The following SMAD5 variants were observed in gnomAD, a reference collection of about 807,000 sequenced individuals.
SMAD5 encodes the protein MAD, mothers against decapentaplegic homolog 5.
SMAD5 carries 9 observed loss-of-function variants against 43.1 expected under a neutral mutation model. That is an observed-to-expected ratio of 0.21 (90% CI 0.13 to 0.36). SMAD5 has a LOEUF of 0.36. Among genes scored for constraint, SMAD5 ranks in the 10% least tolerant of loss-of-function variants. The pLI is 1.00. For missense variants in SMAD5, 348 were observed against 574.0 expected (o/e 0.61, Z 4.02); for synonymous variants, 190 against 192.4 (o/e 0.99, Z 0.10).
In SMAD5 at chr5:136,143,113, A is replaced by G. The variant is rs140932321; in HGVS notation, c.-244-4719A>G. ...TATATCTTCCTGGATGCATGCCAGT[A>G]TTTGTTTCCTTATGTCCCTCCACTG... On this transcript the variant is annotated intron_variant, in intron 1 of 7. Transcript: ENST00000545279. 2.5e-3 allele frequency among the ~76,000 whole-genome samples: 383 copies of G among 151,886 alleles called. 4 individuals are homozygous for G. Among genetic ancestry groups the G allele is most frequent in the African/African-American group, 9.1e-3 (376 of 41,442 alleles).
Position 136,180,895 on chromosome 5 carries a change from A to T in SMAD5, c.*3415A>T, listed in dbSNP as rs560434840. ...AGTGATTATTAAGTACTCATACCTG[A>T]AATCTGTTGTCAAGATTAGAACTGG... On this transcript the variant is annotated 3_prime_UTR_variant, in exon 8 of 8. Transcript: ENST00000545279. 6.6e-6 allele frequency: 1 copy of T among 152,142 alleles called. No individual in the cohort carries two copies. The highest frequency in any genetic ancestry group is 2.1e-4 in the South Asian group (1 of 4,830). The allele number at this position is 152,142 out of a possible 1,614,324, so 9.4% of individuals were successfully genotyped here. A position where few individuals can be genotyped will look rare whatever the true frequency, so the allele number is the denominator to read the frequency against.
rs11413480 is a variant in SMAD5, at chr5:136,145,116, AT to A, written c.-244-2706del. The stretch of plus-strand genomic sequence containing the variant: ...GCTGCCGTATTTCTTCTAAGATGTA[AT>A]TTTTTTTTTCACCTCATAACATAAC... On this transcript the variant is annotated intron_variant, in intron 1 of 7. Coordinates refer to ENST00000545279, the MANE Select transcript of SMAD5 (RefSeq NM_005903.7). 2.4e-4 allele frequency among the ~76,000 whole-genome samples: 36 copies of A among 150,088 alleles called. 1 individual carries two copies. The Middle Eastern group carries it at 0.017, about 72-fold the overall frequency.
rs1754559477 is a variant in SMAD5 at position 136,179,799 on chromosome 5, A to G, written c.*2319A>G. On this transcript the variant is annotated 3_prime_UTR_variant, in exon 8 of 8. Transcript: ENST00000545279. Reference sequence around the variant, plus strand: ...GGCTTATGGCATGATCTCTGGAACAAATTTGTAGGAAAAAATTACTCCAAT... The same window carrying G: ...GGCTTATGGCATGATCTCTGGAACAGATTTGTAGGAAAAAATTACTCCAAT... 1 of 130,334 alleles carries G rather than the reference A, an allele frequency of 7.7e-6. No homozygotes were observed. The highest frequency in any genetic ancestry group is 1.6e-5 in the Non-Finnish European group (1 of 62,344). The allele number at this position is 130,334 out of a possible 1,614,324, so 8.1% of individuals were successfully genotyped here. A position where few individuals can be genotyped will look rare whatever the true frequency, so the allele number is the denominator to read the frequency against.
intron 6 of SMAD5, 114 bp downstream of exon 6, chr5:136,172,769 C>A: frequency 1.4e-6 from 1 of 727,118 alleles, no homozygotes; most frequent in Non-Finnish European, 2.4e-6. Context: ...CACGTGGCCT[C>A]TGCCTTAAGT....
At chr5:136,165,367 G>GT (rs925145765) in intron 5 of SMAD5, among the ~76,000 whole-genome samples, 214 of 150,322 alleles carry the variant, frequency 1.4e-3, no homozygotes, top group African/African-American at 4.5e-3. Context: ...GGCTGGCCCT[G>GT]TTTTTTTTTG....
At chr5:136,166,618 A>C (rs918350714) in intron 5 of SMAD5, among the ~76,000 whole-genome samples, 1 of 152,220 alleles carries the variant, frequency 6.6e-6, no homozygotes, top group Admixed American at 6.5e-5. Flanking sequence ...CCATTTACAA[A>C]ATAGGGATGA....
chr5:136,165,888 G>T (rs1374128754), intron 5 of SMAD5, among the ~76,000 whole-genome samples: 1 of 151,572 alleles, frequency 6.6e-6, no homozygotes, highest in Non-Finnish European at 1.5e-5. Flanking sequence ...GTGGACATGG[G>T]CGTACACATA....
chr5:136,137,015 T>A (rs1752904716), intron 1 of SMAD5, among the ~76,000 whole-genome samples: 2 of 142,300 alleles, frequency 1.4e-5, no homozygotes, highest in Admixed American at 1.4e-4. Context: ...TATTTAGTTT[T>A]GATTTTTTTT....
rs77917628 is a variant in SMAD5, at chr5:136,162,124, A to G, written c.655+1017A>G. Among the ~76,000 whole-genome samples the G allele has an allele frequency of 2.3e-3, 352 of 152,330 alleles. 9 individuals carry two copies. The East Asian group carries it at 0.061, about 26-fold the overall frequency. On this transcript the variant is annotated intron_variant, in intron 4 of 7. Coordinates refer to ENST00000545279, the MANE Select transcript of SMAD5 (RefSeq NM_005903.7). ...AACTCAGGGCACAAGGTGGAAACCA[A>G]TCCTGAATGGGACGTGATTAAATCA...
At position 136,166,240 on chromosome 5, in the gene SMAD5, T is replaced by G. The variant is rs575635144; in HGVS notation, c.775+2849T>G. 5.9e-5 allele frequency among the ~76,000 whole-genome samples: 9 copies of G among 152,120 alleles called. No individual in the cohort carries two copies. In the East Asian group the frequency reaches 1.7e-3, roughly 29 times the overall value. On this transcript the variant is annotated intron_variant, in intron 5 of 7. Coordinates refer to ENST00000545279, the MANE Select transcript of SMAD5 (RefSeq NM_005903.7). ...GGTGTCATTGTGGCTTTAATGCCAC[T>G]TTGGTTTGAGACCTTAACCTCCTTA...
In SMAD5 at chr5:136,180,068, C is replaced by G. The variant is rs1754572212; in HGVS notation, c.*2588C>G. On this transcript the variant is annotated 3_prime_UTR_variant, in exon 8 of 8. Transcript: ENST00000545279. Reference sequence around the variant, plus strand: ...TAACAACTAAGAGTTTGACAGAGAACTATAAGCCTGTTGTATCTCCTAAAA... The same window carrying G: ...TAACAACTAAGAGTTTGACAGAGAAGTATAAGCCTGTTGTATCTCCTAAAA... 1 of 152,134 alleles carries G rather than the reference C, an allele frequency of 6.6e-6. No individual in the cohort carries two copies. Among genetic ancestry groups the G allele is most frequent in the African/African-American group, 2.4e-5 (1 of 41,418 alleles). 9.4% of individuals were successfully genotyped at this position (152,134 alleles called of 1,614,324 possible).
At chr5:136,145,260 A>C (rs1331141769) in intron 1 of SMAD5, among the ~76,000 whole-genome samples, 1 of 151,862 alleles carries the variant, frequency 6.6e-6, no homozygotes, top group East Asian at 1.9e-4. Context: ...CTGTCATTTC[A>C]GTCTCAGTGT....
At chr5:136,145,128 A>G (rs1282524176) in intron 1 of SMAD5, among the ~76,000 whole-genome samples, 1 of 148,738 alleles carries the variant, frequency 6.7e-6, no homozygotes, top group Non-Finnish European at 1.5e-5. Flanking sequence ...TTTTTTTTTC[A>G]CCTCATAACA....
intron 3 of SMAD5, among the ~76,000 whole-genome samples, chr5:136,158,981 T>A (rs1280013497): frequency 6.6e-6 from 1 of 152,092 alleles, no homozygotes. Context: ...GAAATAGTAA[T>A]GATAGGCGTT....
intron 6 of SMAD5, among the ~76,000 whole-genome samples, chr5:136,173,476 C>T (rs146423752): frequency 1.3e-5 from 2 of 152,176 alleles, no homozygotes; most frequent in East Asian, 1.9e-4. Flanking sequence ...AAAAATCCTG[C>T]GGCCAAAAAT....
chr5:136,154,220 T>A, intron 3 of SMAD5, 57 bp downstream of exon 3: 1 of 1,031,026 alleles, frequency 9.7e-7, no homozygotes, highest in Non-Finnish European at 1.3e-6. Context: ...CCTCTCTTCC[T>A]GATATGCATG....
intron 1 of SMAD5, among the ~76,000 whole-genome samples, chr5:136,140,021 CTCTTT>C (rs1753019844): frequency 6.8e-6 from 1 of 147,762 alleles, no homozygotes; most frequent in African/African-American, 2.5e-5. Flanking sequence ...CCCAGGATAA[CTCTTT>C]TTTTTTTTTT....
chr5:136,134,645 TA>T (rs1475244454), intron 1 of SMAD5: 1 of 152,254 alleles, frequency 6.6e-6, no homozygotes, highest in Admixed American at 6.5e-5. Context: ...GTGAAAATTG[TA>T]AAAATGCAAA....
chr5:136,160,066 T>C (rs1402919109), intron 3 of SMAD5, among the ~76,000 whole-genome samples: 1 of 152,226 alleles, frequency 6.6e-6, no homozygotes, highest in East Asian at 1.9e-4. Context: ...ATTGGTCACT[T>C]GGGTCTTTAG....
Sources: gnomAD v4.1 joint callset for allele counts (sites outside exome capture counted in the v4.1 genomes callset) on GRCh38, gnomAD v4.1.1 for gene constraint, MANE v1.5 for transcripts, NCBI Gene and HGNC (gene_info 2026-07-23, HGNC 2026-07-21) for gene names.